The following CEP128 variants were observed in gnomAD, a reference collection of about 807,000 sequenced individuals.
CEP128 encodes centrosomal protein 128kDa.
A neutral mutation model predicts 156.7 loss-of-function variants in CEP128; 132 were observed. The observed-to-expected ratio is 0.84, with a 90% CI of 0.73 to 0.97. The LOEUF (loss-of-function observed/expected upper bound fraction) is 0.97, where lower values mean the gene tolerates loss of function less well. Among genes scored for constraint, CEP128 ranks in the 50% least tolerant of loss-of-function variants. The pLI is 0.00. For missense variants in CEP128, 1,252 were observed against 1,281.9 expected (o/e 0.98, Z 0.36); for synonymous variants, 469 against 448.9 (o/e 1.04, Z -0.57).
intron 2 of CEP128, among the ~76,000 whole-genome samples, chr14:80,947,494 C>A (rs988359316): frequency 2.6e-5 from 4 of 152,032 alleles, no homozygotes; most frequent in Non-Finnish European, 5.9e-5. Flanking sequence ...ATGCTAAGCC[C>A]TTTTGCAAAA....
downstream of CEP128, among the ~76,000 whole-genome samples, chr14:80,486,329 A>G (rs964549409): frequency 2.4e-4 from 36 of 152,116 alleles, no homozygotes; most frequent in African/African-American, 8.7e-4. Context: ...AAAAAAAATA[A>G]AAAGAAACAA....
chr14:80,947,873 A>G (rs1353818009), intron 2 of CEP128, among the ~76,000 whole-genome samples: 1 of 152,200 alleles, frequency 6.6e-6, no homozygotes, highest in Non-Finnish European at 1.5e-5. Flanking sequence ...TGTTCTGCCC[A>G]TAGGCATCAA....
chr14:80,478,202 G>A (rs1886982060), exon 15 of CEP128: 1 of 152,160 alleles, frequency 6.6e-6, no homozygotes, highest in Admixed American at 6.5e-5. Context: ...CTGGAGTGTA[G>A]AAACAGAAAA....
chr14:80,764,587 G>A (rs1033781492), intron 16 of CEP128, among the ~76,000 whole-genome samples: 3 of 152,012 alleles, frequency 2.0e-5, no homozygotes, highest in Non-Finnish European at 2.9e-5. Context: ...CTATGTCCAA[G>A]CTCTCTTTGA....
At chr14:80,796,771 C>T (rs1214248085) in intron 13 of CEP128, among the ~76,000 whole-genome samples, 1 of 152,200 alleles carries the variant, frequency 6.6e-6, no homozygotes, top group Non-Finnish European at 1.5e-5. Context: ...AGAAGCCATA[C>T]TAACCCATCA....
intron 2 of CEP128, among the ~76,000 whole-genome samples, chr14:80,951,934 A>AAAAT (rs1886474702): frequency 1.3e-5 from 2 of 152,090 alleles, no homozygotes; most frequent in African/African-American, 4.8e-5. Context: ...AGAGAACAAG[A>AAAAT]AAATAATAGT....
chr14:80,852,178 C>CA (rs1380750548), intron 9 of CEP128, among the ~76,000 whole-genome samples: 1 of 151,754 alleles, frequency 6.6e-6, no homozygotes, highest in East Asian at 1.9e-4. Context: ...GGAGTACTTA[C>CA]AAAAAATTGG....
At chr14:80,846,858 G>A (rs1886633610) in intron 9 of CEP128, among the ~76,000 whole-genome samples, 1 of 152,110 alleles carries the variant, frequency 6.6e-6, no homozygotes, top group Admixed American at 6.6e-5. Flanking sequence ...TACTACTTCT[G>A]TGATGTAGAA....
intron 20 of CEP128, among the ~76,000 whole-genome samples, chr14:80,572,440 C>T (rs1406900709): frequency 6.6e-6 from 1 of 152,274 alleles, no homozygotes; most frequent in East Asian, 1.9e-4. Context: ...TCACAATTCT[C>T]ATTGTTATCC....
At chr14:80,846,214 T>C (rs1303407530) in intron 9 of CEP128, among the ~76,000 whole-genome samples, 1 of 152,170 alleles carries the variant, frequency 6.6e-6, no homozygotes, top group African/African-American at 2.4e-5. Flanking sequence ...GAACATAAAA[T>C]ATGTGTCAGG....
chr14:80,807,829 G>C (rs28650423), intron 13 of CEP128, among the ~76,000 whole-genome samples: 4,892 of 152,136 alleles, frequency 0.032, 252 homozygotes, highest in African/African-American at 0.11. Context: ...GCCCTGGAAC[G>C]ACAGTCCCAA....
chr14:80,710,050 C>A (rs892571590), intron 19 of CEP128, among the ~76,000 whole-genome samples: 2 of 150,980 alleles, frequency 1.3e-5, no homozygotes, highest in Admixed American at 6.6e-5. Flanking sequence ...TACCCTGGAC[C>A]TTTTGAGGAT....
intron 22 of CEP128, among the ~76,000 whole-genome samples, chr14:80,529,932 C>T (rs919620526): frequency 1.3e-5 from 2 of 152,124 alleles, no homozygotes; most frequent in Non-Finnish European, 2.9e-5. Flanking sequence ...CCTTGGGAAC[C>T]ACATTATATC....
intron 20 of CEP128, among the ~76,000 whole-genome samples, chr14:80,561,914 T>TATATATATATG (rs1890695381): frequency 1.2e-5 from 1 of 82,628 alleles, no homozygotes; most frequent in Admixed American, 1.1e-4. Flanking sequence ...ATATATATAT[T>TATATATATATG]TGTTTTGTTT....
chr14:80,708,260 A>G (rs907409825), intron 19 of CEP128, among the ~76,000 whole-genome samples: 1 of 152,196 alleles, frequency 6.6e-6, no homozygotes, highest in Non-Finnish European at 1.5e-5. Context: ...GAGTCAAAAA[A>G]TGCTTATGAA....
At chr14:80,761,254 A>G (rs1406809057) in intron 17 of CEP128, among the ~76,000 whole-genome samples, 183 bp downstream of exon 17, 1 of 150,400 alleles carries the variant, frequency 6.6e-6, no homozygotes, top group Non-Finnish European at 1.5e-5. Context: ...AAATAACATC[A>G]TTCGTTCTCT....
intron 2 of CEP128, among the ~76,000 whole-genome samples, chr14:80,957,590 G>A (rs1229302315): frequency 1.3e-5 from 2 of 152,214 alleles, no homozygotes; most frequent in Non-Finnish European, 2.9e-5. Flanking sequence ...TTTAACAGTG[G>A]CAGAAATTCA....
chr14:80,723,387 C>T (rs1250093537), intron 19 of CEP128, among the ~76,000 whole-genome samples: 1 of 152,216 alleles, frequency 6.6e-6, no homozygotes, highest in Non-Finnish European at 1.5e-5. Flanking sequence ...AAAGAACTCA[C>T]ATTCTAGAAT....
intron 8 of CEP128, among the ~76,000 whole-genome samples, chr14:80,877,608 C>T (rs1888344431): frequency 6.6e-6 from 1 of 152,144 alleles, no homozygotes; most frequent in African/African-American, 2.4e-5. Flanking sequence ...GCAAGGTAGC[C>T]ACAGAAATTC....
Sources: allele counts gnomAD v4.1 joint callset (sites outside exome capture counted in the v4.1 genomes callset), GRCh38; gene constraint gnomAD v4.1.1; transcripts MANE v1.5; gene names NCBI Gene and HGNC (gene_info 2026-07-23, HGNC 2026-07-21).